The following THSD7A variants were observed in gnomAD, a reference collection of about 807,000 sequenced individuals.
THSD7A encodes the protein thrombospondin type 1 domain containing 7A.
THSD7A carries 96 observed loss-of-function variants against 231.3 expected under a neutral mutation model. The observed-to-expected ratio is 0.41, with a 90% confidence interval of 0.35 to 0.49. THSD7A has a LOEUF of 0.49. Ranked by LOEUF, THSD7A falls within the 20% of genes least tolerant of loss-of-function variation. The probability of loss-of-function intolerance (pLI) is 0.05; values close to 1 mark genes in which losing one functional copy is unlikely to be tolerated. For synonymous variants in THSD7A, 940 were observed against 743.3 expected, an observed-to-expected ratio of 1.26 and a Z score of -4.30; for missense variants, 2,290 against 2,070.2, an observed-to-expected ratio of 1.11 and a Z score of -2.06.
chr7:11,799,142 C>T (rs1281588532), intron 1 of THSD7A, among the ~76,000 whole-genome samples: 3 of 152,024 alleles, frequency 2.0e-5, no homozygotes, highest in African/African-American at 4.8e-5. Flanking sequence ...AGGATGGTCT[C>T]GATCTCTTGA....
intron 13 of THSD7A, among the ~76,000 whole-genome samples, chr7:11,431,470 G>A (rs544566307): frequency 3.2e-4 from 48 of 152,158 alleles, no homozygotes; most frequent in Admixed American, 9.8e-4. Context: ...TTTCCTAATT[G>A]TTGTGGCACC....
At chr7:11,519,775 A>G (rs749996302) in intron 6 of THSD7A, among the ~76,000 whole-genome samples, 4 of 152,218 alleles carry the variant, frequency 2.6e-5, no homozygotes, top group African/African-American at 9.6e-5. Flanking sequence ...AGTTGTTGAT[A>G]ATATTGTACT....
At chr7:11,525,191 TTC>T (rs765248248) in intron 6 of THSD7A, among the ~76,000 whole-genome samples, 4 of 152,208 alleles carry the variant, frequency 2.6e-5, no homozygotes, top group East Asian at 3.9e-4. Flanking sequence ...CAGATGCAAC[TTC>T]TGTTTGTCAT....
At chr7:11,631,573 T>G (rs146641239) in intron 2 of THSD7A, among the ~76,000 whole-genome samples, 2 of 152,060 alleles carry the variant, frequency 1.3e-5, no homozygotes, top group Non-Finnish European at 2.9e-5. Flanking sequence ...ATTTTATAGA[T>G]AGTAAAGGGC....
At chr7:11,439,723 C>A (rs1784743415) in intron 13 of THSD7A, among the ~76,000 whole-genome samples, 1 of 151,974 alleles carries the variant, frequency 6.6e-6, no homozygotes, top group Non-Finnish European at 1.5e-5. Flanking sequence ...GCAGGCTGAG[C>A]AAGGTGAGGA....
chr7:11,805,642 T>C (rs1342256910), intron 1 of THSD7A, among the ~76,000 whole-genome samples: 4 of 152,126 alleles, frequency 2.6e-5, no homozygotes, highest in Non-Finnish European at 5.9e-5. Context: ...CATATCATTA[T>C]ATGGTTTTAA....
intron 11 of THSD7A, among the ~76,000 whole-genome samples, chr7:11,453,898 A>T (rs1455021685): frequency 2.0e-5 from 3 of 152,052 alleles, no homozygotes; most frequent in Non-Finnish European, 2.9e-5. Context: ...TCTAATGCAA[A>T]TTTAATGGCA....
chr7:11,678,619 C>T (rs1783738597), intron 1 of THSD7A, among the ~76,000 whole-genome samples: 1 of 152,118 alleles, frequency 6.6e-6, no homozygotes, highest in African/African-American at 2.4e-5. Context: ...AATTCTTAGA[C>T]ACATACACCC....
chr7:11,374,414 G>A lies in THSD7A; in HGVS notation c.*1380C>T, dbSNP rs1289269878. Reference sequence around the variant, plus strand: ...GTTTTGAAATCATACATTGAAGAGAGAGATTGCTTCAAATTTTGCCAGTGA... The same window carrying A: ...GTTTTGAAATCATACATTGAAGAGAAAGATTGCTTCAAATTTTGCCAGTGA... On this transcript the variant is annotated 3_prime_UTR_variant, in exon 28 of 28. Transcript: ENST00000423059. 6.6e-6 allele frequency: 1 copy of A among 152,052 alleles called. No individual in the cohort carries two copies. 9.4% of individuals were successfully genotyped at this position (152,052 alleles called of 1,614,324 possible). A position where few individuals can be genotyped will look rare whatever the true frequency, so the allele number is the denominator to read the frequency against.
At chr7:11,555,872 T>A (rs961220105) in intron 4 of THSD7A, among the ~76,000 whole-genome samples, 23 of 151,822 alleles carry the variant, frequency 1.5e-4, no homozygotes, top group Non-Finnish European at 3.1e-4. Flanking sequence ...TGATGCCTAA[T>A]TTATTCGATG....
chr7:11,812,123 G>GTA (rs571790918), intron 1 of THSD7A, among the ~76,000 whole-genome samples: 159 of 144,332 alleles, frequency 1.1e-3, no homozygotes, highest in African/African-American at 4.3e-3. Context: ...GTGTGTGTGT[G>GTA]TGTGTGTGTG....
chr7:11,449,600 GAA>G (rs1446083810), intron 11 of THSD7A, among the ~76,000 whole-genome samples: 3 of 152,048 alleles, frequency 2.0e-5, no homozygotes, highest in African/African-American at 7.2e-5. Context: ...GGGCATGATA[GAA>G]ATTTGTACAG....
chr7:11,470,067 T>G, intron 8 of THSD7A, 73 bp from the exon 9 acceptor site: 1 of 1,105,636 alleles, frequency 9.0e-7, no homozygotes, highest in South Asian at 1.4e-5. Context: ...TTCTCTAGAA[T>G]TTTCACTGGT....
intron 2 of THSD7A, among the ~76,000 whole-genome samples, chr7:11,604,130 A>C (rs1780656813): frequency 6.6e-6 from 1 of 152,152 alleles, no homozygotes; most frequent in East Asian, 1.9e-4. Context: ...CACTGTTCTA[A>C]TGTTTATGTA....
At chr7:11,404,540 G>A (rs550704209) in intron 22 of THSD7A, among the ~76,000 whole-genome samples, 1 of 152,206 alleles carries the variant, frequency 6.6e-6, no homozygotes, top group African/African-American at 2.4e-5. Context: ...CCTTGGCCCT[G>A]CCTGGAGCTG....
chr7:11,518,336 C>A (rs529841137), intron 6 of THSD7A, among the ~76,000 whole-genome samples: 64 of 152,184 alleles, frequency 4.2e-4, no homozygotes, highest in African/African-American at 1.5e-3. Flanking sequence ...GCGTGAGAGA[C>A]TGTGGAGAAG....
intron 6 of THSD7A, among the ~76,000 whole-genome samples, chr7:11,537,795 T>C (rs1298760763): frequency 6.6e-6 from 1 of 152,218 alleles, no homozygotes; most frequent in African/African-American, 2.4e-5. Context: ...TTTGATACTT[T>C]TGATGATATG....
rs143251576 is a variant in THSD7A at position 11,388,316 on chromosome 7, T to C, written c.4412-5700A>G. On this transcript the variant is annotated intron_variant, in intron 23 of 27. Coordinates refer to ENST00000423059, the MANE Select transcript of THSD7A (RefSeq NM_015204.3). ...CTGGTAGAATTTGACTGTGAATCCATCTGGTCCTGGACTTTTTGTGGTTGG... is the reference window on the plus strand; with the variant it reads ...CTGGTAGAATTTGACTGTGAATCCACCTGGTCCTGGACTTTTTGTGGTTGG... Among the ~76,000 whole-genome samples, 882 of 152,268 alleles carry C rather than the reference T, an allele frequency of 5.8e-3. 10 individuals carry two copies. The highest frequency in any genetic ancestry group is 0.02 in the African/African-American group (846 of 41,542).
At chr7:11,382,880 T>C (rs1782576526) in intron 23 of THSD7A, among the ~76,000 whole-genome samples, 1 of 151,286 alleles carries the variant, frequency 6.6e-6, no homozygotes, top group Non-Finnish European at 1.5e-5. Context: ...TATTATGAAA[T>C]AAATATGCAG....
Sources: gnomAD v4.1 joint callset for allele counts (sites outside exome capture counted in the v4.1 genomes callset) on GRCh38, gnomAD v4.1.1 for gene constraint, MANE v1.5 for transcripts, NCBI Gene and HGNC (gene_info 2026-07-23, HGNC 2026-07-21) for gene names.